ZNF544: variants seen among roughly 807,000 people sequenced by gnomAD.
ZNF544 encodes the protein zinc finger protein AF020591.
In ZNF544, 10 loss-of-function variants were observed where a neutral mutation model predicts 13.5. The observed-to-expected ratio is 0.74, with a 90% CI of 0.46 to 1.25. ZNF544 has a LOEUF of 1.25. Among genes scored for constraint, ZNF544 ranks in the 50% most tolerant of loss-of-function variants. ZNF544 has a pLI of 0.00. For missense variants in ZNF544, 896 were observed against 845.6 expected, an observed-to-expected ratio of 1.06 and a Z score of -0.74; for synonymous variants, 323 against 300.5, an observed-to-expected ratio of 1.07 and a Z score of -0.77.
At chr19:58,259,011 T>C (rs2048308846) in intron 6 of ZNF544, 1 of 152,176 alleles carries the variant, frequency 6.6e-6, no homozygotes, top group Non-Finnish European at 1.5e-5. Flanking sequence ...TATTTTGTAA[T>C]ATCAGTGCCA....
chr19:58,265,208 C>T (rs923010725), downstream of ZNF544, among the ~76,000 whole-genome samples: 29 of 152,112 alleles, frequency 1.9e-4, no homozygotes, highest in African/African-American at 6.8e-4. Flanking sequence ...AATTGGTCCA[C>T]TCAGCAACAT....
intron 6 of ZNF544, among the ~76,000 whole-genome samples, chr19:58,276,871 G>A (rs1797961558): frequency 6.6e-6 from 1 of 152,238 alleles, no homozygotes; most frequent in Non-Finnish European, 1.5e-5. Context: ...CGGAATGAGA[G>A]CTCCCACGGG....
At chr19:58,242,789 C>A (rs571384045) in intron 3 of ZNF544, among the ~76,000 whole-genome samples, 1 of 152,108 alleles carries the variant, frequency 6.6e-6, no homozygotes, top group Non-Finnish European at 1.5e-5. Context: ...CTTCCCGCCC[C>A]CCGGGTTCAA....
chr19:58,273,132 G>A (rs1377971732), intron 5 of ZNF544, among the ~76,000 whole-genome samples: 1 of 151,274 alleles, frequency 6.6e-6, no homozygotes, highest in Non-Finnish European at 1.5e-5. Context: ...AGTAAGCCAA[G>A]ATCGCACCAT....
Position 58,259,959 on chromosome 19 carries a change from G to A in ZNF544, c.245-892G>A, listed in dbSNP as rs189737236. Reference sequence around the variant, plus strand: ...AAATAAAAATACTAATCACAGAAGGGTACATTGGCTTGGCTGTAATCCCAG... The same window carrying A: ...AAATAAAAATACTAATCACAGAAGGATACATTGGCTTGGCTGTAATCCCAG... On this transcript the variant is annotated intron_variant, in intron 6 of 6. Coordinates refer to ENST00000687789, the MANE Select transcript of ZNF544 (RefSeq NM_014480.4). Among the ~76,000 whole-genome samples the A allele has an allele frequency of 2.2e-3, 339 of 152,094 alleles. 3 individuals carry two copies. Among genetic ancestry groups the A allele is most frequent in the Non-Finnish European group, 3.4e-3 (233 of 67,966 alleles).
intron 3 of ZNF544, among the ~76,000 whole-genome samples, chr19:58,239,090 T>C (rs1329528049): frequency 3.3e-5 from 5 of 152,138 alleles, no homozygotes; most frequent in African/African-American, 1.2e-4. Flanking sequence ...GGCTGGGTGC[T>C]CTGTGGCTGC....
Position 58,276,385 on chromosome 19 carries a change from G to T in ZNF544, c.307G>T (p.Glu103Ter). 1.6e-6 allele frequency: 2 copies of T among 1,231,700 alleles called. No homozygotes were observed. Among genetic ancestry groups the T allele is most frequent in the Admixed American group, 8.4e-5 (2 of 23,708 alleles). The allele number at this position is 1,231,700 out of a possible 1,614,324, so 76.3% of individuals were successfully genotyped here. ...AATAGAAGACAGATTTAGTCTCCTG[G>T]AAGGCTGCCTGATCCAGTTCCCACA... Residue 103 changes from glutamate (E) to a stop codon, truncating the protein, a stop_gained, in exon 6 of 7, where the codon GAA (glutamate) becomes TAA (stop). Coordinates refer to the ZNF544 transcript ENST00000595981. LOFTEE classifies it high-confidence loss of function.
rs2048825406 is a variant in ZNF544 at position 58,261,044 on chromosome 19, C to T, written c.438C>T (p.Thr146=). ...ACTCCTTGAGGTTCATGGTACTCACCTCAGAGAGACTGTTTGCTCAAAGGG... is the reference window on the plus strand; with the variant it reads ...ACTCCTTGAGGTTCATGGTACTCACTTCAGAGAGACTGTTTGCTCAAAGGG... The part of the protein sequence containing the change: ...QENSLRFMVL[T]SERLFAQREH... The change falls in exon 7 of 7, where the codon ACC becomes ACT. Residue 146 remains threonine (T), a synonymous_variant. Coordinates refer to ENST00000687789, the MANE Select transcript of ZNF544 (RefSeq NM_014480.4). The T allele has an allele frequency of 9.9e-6, 16 of 1,614,192 alleles. No homozygotes were observed. The highest frequency in any genetic ancestry group is 8.0e-5 in the African/African-American group (6 of 75,048).
chr19:58,277,323 G>C (rs937344813), exon 7 of ZNF544: 2 of 1,159,872 alleles, frequency 1.7e-6, no homozygotes, highest in African/African-American at 3.2e-5. Context: ...CAGCTCCTCC[G>C]TCCCCACTGG....
chr19:58,254,826 C>T (rs1359339639), intron 6 of ZNF544, among the ~76,000 whole-genome samples: 3 of 150,670 alleles, frequency 2.0e-5, no homozygotes, highest in South Asian at 2.1e-4. Context: ...AAGGATCCAG[C>T]GGTATGTGAA....
At chr19:58,252,884 A>G (rs996508414) in intron 6 of ZNF544, among the ~76,000 whole-genome samples, 1 of 152,208 alleles carries the variant, frequency 6.6e-6, no homozygotes, top group African/African-American at 2.4e-5. Context: ...CAGTGGCACA[A>G]TCTCGGCTCA....
At chr19:58,236,988 G>T (rs2042544110) in intron 3 of ZNF544, among the ~76,000 whole-genome samples, 1 of 151,352 alleles carries the variant, frequency 6.6e-6, no homozygotes, top group African/African-American at 2.4e-5. Flanking sequence ...TGATCCACAC[G>T]CCTCGGCCTT....
chr19:58,269,435 CA>C (rs1159881116), intron 5 of ZNF544, among the ~76,000 whole-genome samples: 46 of 84,664 alleles, frequency 5.4e-4, no homozygotes, highest in Non-Finnish European at 9.5e-4. Context: ...GACTCTGTCT[CA>C]AAAAAAAACA....
At chr19:58,268,475 A>T (rs2050216208), downstream of ZNF544, among the ~76,000 whole-genome samples, 1 of 152,154 alleles carries the variant, frequency 6.6e-6, no homozygotes, top group African/African-American at 2.4e-5. Flanking sequence ...TCAAAACATA[A>T]ATTTAATTCT....
intron 5 of ZNF544, among the ~76,000 whole-genome samples, chr19:58,273,191 A>T (rs894124087): frequency 6.6e-6 from 1 of 152,030 alleles, no homozygotes; most frequent in Non-Finnish European, 1.5e-5. Context: ...CAAAAAAAAA[A>T]AGAAGAAAGA....
rs1457000506 is a variant in ZNF544 at position 58,262,794 on chromosome 19, C to T, written c.*40C>T. On this transcript the variant is annotated 3_prime_UTR_variant, in exon 7 of 7. Transcript: ENST00000687789. ...TGGGAAAGCTTTCATCCAGAGGTCT[C>T]CCCTCATCATGCACCAGAGGACGCA... 9.7e-6 allele frequency: 15 copies of T among 1,552,948 alleles called. No individual in the cohort carries two copies. In the East Asian group the frequency reaches 2.7e-4, roughly 28 times the overall value.
downstream of ZNF544, chr19:58,267,200 T>C (rs1245871782): frequency 6.6e-6 from 1 of 152,078 alleles, no homozygotes; most frequent in Non-Finnish European, 1.5e-5. Flanking sequence ...TAGCTGGGAT[T>C]ACAGGCACGT....
rs1490534373 is a variant in ZNF544, at chr19:58,241,182, T to TAAATATATATATATATATATA, written c.-59-2783_-59-2782insAAATATATATATATATATATA. Among the ~76,000 whole-genome samples the TAAATATATATATATATATATA allele has an allele frequency of 5.9e-3, 393 of 66,188 alleles. 7 individuals are homozygous for TAAATATATATATATATATATA. The highest frequency in any genetic ancestry group is 0.036 in the Middle Eastern group (3 of 84). 43.4% of individuals were successfully genotyped at this position (66,188 alleles called of 152,430 possible). A position where few individuals can be genotyped will look rare whatever the true frequency, so the allele number is the denominator to read the frequency against. ...ATTTAAATATATATATATATATATT[T>TAAATATATATATATATATATA]TTTTTTTTTTGTAGAGATAGGGTCT... is the stretch of plus-strand genomic sequence containing the variant. On this transcript the variant is annotated intron_variant, in intron 3 of 6. Transcript: ENST00000687789.
At chr19:58,235,065 G>C (rs147607155) in intron 3 of ZNF544, among the ~76,000 whole-genome samples, 1 of 152,216 alleles carries the variant, frequency 6.6e-6, no homozygotes, top group Admixed American at 6.5e-5. Context: ...CATAATAATG[G>C]GGATATGTTC....
Sources: allele counts gnomAD v4.1 joint callset (sites outside exome capture counted in the v4.1 genomes callset), GRCh38; gene constraint gnomAD v4.1.1; transcripts MANE v1.5; gene names NCBI Gene and HGNC (gene_info 2026-07-23, HGNC 2026-07-21).